The following ANO2 variants were observed in gnomAD, a reference collection of about 807,000 sequenced individuals.
The protein encoded by ANO2 is anoctamin 2.
In ANO2, 101 loss-of-function variants were observed where a neutral mutation model predicts 124.2. The ratio of observed to expected loss-of-function variants is 0.81; its 90% confidence interval spans 0.69 to 0.96. The LOEUF (loss-of-function observed/expected upper bound fraction) is 0.96, where lower values mean the gene tolerates loss of function less well. Among genes scored for constraint, ANO2 ranks in the 40% least tolerant of loss-of-function variants. The pLI, the probability that ANO2 is intolerant of heterozygous loss-of-function variation, is 0.00. For missense variants in ANO2, 1,293 were observed against 1,274.5 expected, an observed-to-expected ratio of 1.01 and a Z score of -0.22; for synonymous variants, 486 against 482.5, an observed-to-expected ratio of 1.01 and a Z score of -0.09.
intron 16 of ANO2, among the ~76,000 whole-genome samples, chr12:5,629,984 C>T (rs183781359): frequency 3.3e-4 from 51 of 152,322 alleles, no homozygotes; most frequent in Non-Finnish European, 4.9e-4. Flanking sequence ...CTGCTGCTAG[C>T]GGTAGATATC....
In ANO2 at chr12:5,578,456, GGGCAAACACAGGT is replaced by G; in HGVS notation, c.2283_2295del (p.Pro762SerfsTer19). The G allele has an allele frequency of 6.2e-7, 1 of 1,613,952 alleles. No individual in the cohort carries two copies. On this transcript the variant is annotated frameshift_variant, in exon 21 of 25. Coordinates refer to ENST00000682330, the MANE Select transcript of ANO2 (RefSeq NM_001364791.2). LOFTEE classifies it high-confidence loss of function. ...CGCACTTCAATGACGTTGTTGAGGA[GGGCAAACACAGGT>G]GCCAGGGGAAAGGAGGCCACGAAGA... is the stretch of plus-strand genomic sequence containing the variant.
At chr12:5,801,794 C>T (rs1953049024) in intron 9 of ANO2, among the ~76,000 whole-genome samples, 1 of 152,202 alleles carries the variant, frequency 6.6e-6, no homozygotes, top group Non-Finnish European at 1.5e-5. Context: ...CCTGCTCACT[C>T]CAGGGCAGTG....
chr12:5,614,163 AT>A lies in ANO2; in HGVS notation c.1928+1022del, dbSNP rs1379656656. Among the ~76,000 whole-genome samples the A allele has an allele frequency of 2.0e-5, 3 of 152,224 alleles. No homozygotes were observed. The East Asian group carries it at 5.8e-4, about 29-fold the overall frequency. ...GCCAACTGGCTTGATCATAAAAAAT[AT>A]TTATCAAAGTGATTTTACATCCAGA... On this transcript the variant is annotated intron_variant, in intron 17 of 24. Transcript: ENST00000682330.
chr12:5,646,170 TA>T (rs1199794692), intron 15 of ANO2, among the ~76,000 whole-genome samples: 2 of 152,152 alleles, frequency 1.3e-5, no homozygotes, highest in African/African-American at 4.8e-5. Context: ...CCTGCTCCCA[TA>T]AAACCACCAA....
At chr12:5,610,816 C>CCATACACACACACA (rs1555100557) in intron 19 of ANO2, among the ~76,000 whole-genome samples, 7 of 65,992 alleles carry the variant, frequency 1.1e-4, no homozygotes, top group Admixed American at 4.1e-4. Context: ...TCAGAGTTGT[C>CCATACACACACACA]CATACACACA....
rs74713566 is a variant in ANO2 at position 5,658,469 on chromosome 12, C to T, written c.1546-10668G>A. ...ATCATCAACATCATCATCATATCAT[C>T]ACTATCATCATCATCATCAATATCA... is the stretch of plus-strand genomic sequence containing the variant. On this transcript the variant is annotated intron_variant, in intron 14 of 24. Transcript: ENST00000682330. This position sits in a 1 kb window ranked among gnomAD's most constrained non-coding sequence, Gnocchi z 4.3. 2.1e-3 allele frequency among the ~76,000 whole-genome samples: 323 copies of T among 151,924 alleles called. 5 individuals are homozygous for T. The East Asian group carries it at 0.038, about 18-fold the overall frequency.
intron 10 of ANO2, among the ~76,000 whole-genome samples, chr12:5,771,958 A>G (rs925546979): frequency 2.6e-5 from 4 of 152,234 alleles, no homozygotes; most frequent in Admixed American, 1.3e-4. Context: ...GCTTCCAAGT[A>G]CATGTCAAAC....
chr12:5,805,713 C>G lies in ANO2; in HGVS notation c.990+339G>C, dbSNP rs150560643. On this transcript the variant is annotated intron_variant, in intron 9 of 24. Coordinates refer to ENST00000682330, the MANE Select transcript of ANO2 (RefSeq NM_001364791.2). ...GATCTAGGCCAAGGTGCTCAAGTTT[C>G]TGTGCCTCCATTTCTGCATATATCA... Among the ~76,000 whole-genome samples, 285 of 152,262 alleles carry G rather than the reference C, an allele frequency of 1.9e-3. 1 individual carries two copies. The highest frequency in any genetic ancestry group is 6.5e-3 in the African/African-American group (268 of 41,542).
At position 5,911,167 on chromosome 12, in the gene ANO2, T is replaced by G. The variant is rs539667615; in HGVS notation, c.534+9873A>C. Among the ~76,000 whole-genome samples, 3 of 152,308 alleles carry G rather than the reference T, an allele frequency of 2.0e-5. No homozygotes were observed. The East Asian group carries it at 5.8e-4, about 29-fold the overall frequency. On this transcript the variant is annotated intron_variant, in intron 3 of 24. Coordinates refer to ENST00000682330, the MANE Select transcript of ANO2 (RefSeq NM_001364791.2). ...CTATTTGATTCTCCCAGGTCAGGTC[T>G]GCTTCCCTTGAAAGCAGGGGCCATG...
chr12:5,608,798 G>A (rs1944339638), intron 19 of ANO2: 1 of 152,264 alleles, frequency 6.6e-6, no homozygotes, highest in Non-Finnish European at 1.5e-5. Flanking sequence ...GAGGGGTGGA[G>A]ACATGCCAAC....
intron 4 of ANO2, chr12:5,839,574 A>G (rs1180363744): frequency 2.2e-6 from 1 of 456,046 alleles, no homozygotes; most frequent in Non-Finnish European, 4.4e-6. Context: ...AGAAACATTC[A>G]TTCATGGCAC....
intron 14 of ANO2, among the ~76,000 whole-genome samples, chr12:5,667,957 T>C (rs1422207004): frequency 6.6e-6 from 1 of 152,220 alleles, no homozygotes; most frequent in African/African-American, 2.4e-5. Context: ...CTATCATTGA[T>C]GGACATTTGG....
intron 14 of ANO2, among the ~76,000 whole-genome samples, chr12:5,656,183 C>T (rs1947143291): frequency 6.6e-6 from 1 of 152,204 alleles, no homozygotes; most frequent in African/African-American, 2.4e-5. Flanking sequence ...CTTCCCCATA[C>T]TCTTTTCCTA....
At chr12:5,651,294 C>A (rs561664611) in intron 14 of ANO2, among the ~76,000 whole-genome samples, 14 of 152,252 alleles carry the variant, frequency 9.2e-5, no homozygotes, top group African/African-American at 3.4e-4. Flanking sequence ...TTTTGGCAAG[C>A]TAAACATTTG....
At chr12:5,912,963 T>C (rs1376298626) in intron 3 of ANO2, among the ~76,000 whole-genome samples, 1 of 152,114 alleles carries the variant, frequency 6.6e-6, no homozygotes, top group Non-Finnish European at 1.5e-5. Flanking sequence ...CTATATCCTT[T>C]CCTAGGAACA....
intron 4 of ANO2, chr12:5,839,578 A>G (rs1954444047): frequency 4.4e-6 from 2 of 455,912 alleles, no homozygotes; most frequent in African/African-American, 2.0e-5. Flanking sequence ...ACATTCATTC[A>G]TGGCACAAGC....
At chr12:5,877,760 G>A (rs377284230) in intron 3 of ANO2, among the ~76,000 whole-genome samples, 18 of 152,124 alleles carry the variant, frequency 1.2e-4, no homozygotes, top group African/African-American at 2.9e-4. Context: ...AAACTGTTCC[G>A]CCTCAGATCT....
intron 14 of ANO2, among the ~76,000 whole-genome samples, chr12:5,657,583 G>A (rs1169045713): frequency 6.6e-6 from 1 of 151,758 alleles, no homozygotes; most frequent in African/African-American, 2.4e-5. Flanking sequence ...AGGGCCCTTG[G>A]GACATTGTCA....
rs1185615983 is a variant in ANO2 at position 5,658,933 on chromosome 12, C to T, written c.1546-11132G>A. Reference sequence around the variant, plus strand: ...AACAGCAGCATCATCATCATCATTGCTTTATCCACCAGGGACCCTGTGGCC... The same window carrying T: ...AACAGCAGCATCATCATCATCATTGTTTTATCCACCAGGGACCCTGTGGCC... On this transcript the variant is annotated intron_variant, in intron 14 of 24. Transcript: ENST00000682330. The surrounding 1 kb of genome is among the most constrained non-coding windows in gnomAD (Gnocchi z 4.3). Among the ~76,000 whole-genome samples the T allele has an allele frequency of 1.3e-5, 2 of 152,154 alleles. No individual in the cohort carries two copies. The highest frequency in any genetic ancestry group is 2.4e-5 in the African/African-American group (1 of 41,430).
Sources: gnomAD v4.1 joint callset for allele counts (sites outside exome capture counted in the v4.1 genomes callset) on GRCh38, gnomAD v4.1.1 for gene constraint, Gnocchi (gnomAD v3.1) non-coding constraint, MANE v1.5 for transcripts, NCBI Gene and HGNC (gene_info 2026-07-23, HGNC 2026-07-21) for gene names.